Variants in CSMD1 observed in about 807,000 individuals in gnomAD.
CSMD1 encodes CUB and sushi domain-containing protein 1.
A neutral mutation model predicts 417.5 loss-of-function variants in CSMD1; 213 were observed. The observed-to-expected ratio is 0.51, with a 90% confidence interval of 0.46 to 0.57. CSMD1 has a LOEUF of 0.57. Among genes scored for constraint, CSMD1 ranks in the 20% least tolerant of loss-of-function variants. CSMD1 has a pLI of 0.00. For synonymous variants in CSMD1, 2,862 were observed against 1,736.8 expected (o/e 1.65, Z -16.11); for missense variants, 6,923 against 4,529.7 (o/e 1.53, Z -15.17).
At chr8:3,161,787 G>C (rs1819914825) in intron 38 of CSMD1, among the ~76,000 whole-genome samples, 3 of 152,268 alleles carry the variant, frequency 2.0e-5, no homozygotes, top group South Asian at 2.1e-4. Context: ...TGAATGATGA[G>C]AACAGTTTGC....
chr8:3,552,535 T>G (rs1209725419), intron 10 of CSMD1, among the ~76,000 whole-genome samples: 1 of 152,186 alleles, frequency 6.6e-6, no homozygotes. Context: ...TTTTTTTGAA[T>G]TGGATTAGCC....
intron 2 of CSMD1, among the ~76,000 whole-genome samples, chr8:4,520,211 AT>A (rs1418691232): frequency 3.3e-5 from 5 of 152,144 alleles, no homozygotes; most frequent in Non-Finnish European, 7.3e-5. Context: ...TGGCAGAAAG[AT>A]TCTTGTCCTA....
chr8:3,973,791 T>C (rs960170889), intron 5 of CSMD1, among the ~76,000 whole-genome samples: 13 of 152,222 alleles, frequency 8.5e-5, no homozygotes, highest in Admixed American at 3.3e-4. Context: ...ACAGTATCTA[T>C]TTCTCAGAAA....
chr8:4,470,869 CTG>C (rs1035199677), intron 2 of CSMD1, among the ~76,000 whole-genome samples: 9 of 152,126 alleles, frequency 5.9e-5, no homozygotes, highest in East Asian at 3.9e-4. Context: ...TTATGTAAAA[CTG>C]AATTATTTTT....
chr8:3,270,831 A>T (rs749957237), intron 26 of CSMD1, among the ~76,000 whole-genome samples: 2 of 152,182 alleles, frequency 1.3e-5, no homozygotes, highest in African/African-American at 4.8e-5. Flanking sequence ...AAGAGTTTTA[A>T]TTGACTCACA....
chr8:3,479,055 C>T (rs1376440788), intron 11 of CSMD1, among the ~76,000 whole-genome samples: 1 of 152,068 alleles, frequency 6.6e-6, no homozygotes, highest in African/African-American at 2.4e-5. Context: ...ATCCTTCTGC[C>T]CCCTCAGCCA....
intron 23 of CSMD1, among the ~76,000 whole-genome samples, chr8:3,338,206 G>C (rs909339972): frequency 6.6e-6 from 1 of 152,104 alleles, no homozygotes; most frequent in Non-Finnish European, 1.5e-5. Flanking sequence ...TGAACCACAC[G>C]TGTATGCCTG....
At chr8:4,169,639 G>A (rs1309249531) in intron 3 of CSMD1, among the ~76,000 whole-genome samples, 1 of 152,144 alleles carries the variant, frequency 6.6e-6, no homozygotes, top group Non-Finnish European at 1.5e-5. Flanking sequence ...CCTTGCTGCT[G>A]CAGGGACGCC....
intron 49 of CSMD1, among the ~76,000 whole-genome samples, chr8:3,065,311 A>ATAGC (rs1049697537): frequency 2.0e-5 from 3 of 150,162 alleles, no homozygotes; most frequent in African/African-American, 7.6e-5. Context: ...AGGTAGATAG[A>ATAGC]TAGATAGACA....
chr8:4,240,583 G>A (rs1276939876), intron 3 of CSMD1, among the ~76,000 whole-genome samples: 1 of 152,032 alleles, frequency 6.6e-6, no homozygotes, highest in African/African-American at 2.4e-5. Flanking sequence ...TTATCTTTTA[G>A]CTCAAAATGA....
chr8:3,571,124 C>T (rs928172628), intron 10 of CSMD1, among the ~76,000 whole-genome samples: 1 of 152,118 alleles, frequency 6.6e-6, no homozygotes, highest in African/African-American at 2.4e-5. Context: ...ATCATTCTCA[C>T]GACAGCTGAG....
intron 7 of CSMD1, among the ~76,000 whole-genome samples, chr8:3,638,660 T>C (rs1797160463): frequency 6.6e-6 from 1 of 152,098 alleles, no homozygotes; most frequent in Non-Finnish European, 1.5e-5. Context: ...AAGATGTACC[T>C]AGAAAGAACG....
intron 66 of CSMD1, 22 bp from the exon 67 acceptor site, chr8:2,950,365 A>G (rs765641761): frequency 6.8e-7 from 1 of 1,471,632 alleles, no homozygotes; most frequent in Non-Finnish European, 9.5e-7. Flanking sequence ...TCAGCAGTTT[A>G]GGCTTACCTT....
intron 26 of CSMD1, among the ~76,000 whole-genome samples, chr8:3,244,440 C>T (rs919257955): frequency 6.6e-6 from 1 of 152,070 alleles, no homozygotes; most frequent in Non-Finnish European, 1.5e-5. Context: ...TTTTAATGGC[C>T]AGGTGGAGCA....
At chr8:3,305,960 A>G (rs1435865669) in intron 25 of CSMD1, among the ~76,000 whole-genome samples, 3 of 152,086 alleles carry the variant, frequency 2.0e-5, no homozygotes, top group African/African-American at 7.2e-5. Flanking sequence ...GATTACAGGC[A>G]TGAGCCACTG....
chr8:4,496,460 G>A (rs1249376386), intron 2 of CSMD1, among the ~76,000 whole-genome samples: 3 of 152,164 alleles, frequency 2.0e-5, no homozygotes, highest in Non-Finnish European at 2.9e-5. Flanking sequence ...TGGAAGGCAA[G>A]CCAAGAGAAC....
intron 2 of CSMD1, among the ~76,000 whole-genome samples, chr8:4,632,882 C>CT (rs1167815282): frequency 6.6e-6 from 1 of 152,158 alleles, no homozygotes; most frequent in Non-Finnish European, 1.5e-5. Context: ...ACAACATTCT[C>CT]TTGTAAGGTC....
intron 7 of CSMD1, among the ~76,000 whole-genome samples, chr8:3,682,909 G>A (rs899408534): frequency 1.1e-4 from 17 of 152,090 alleles, no homozygotes; most frequent in African/African-American, 4.1e-4. Flanking sequence ...GGATGAAGCT[G>A]GAAACCATCA....
chr8:4,755,280 C>G (rs913417013), intron 1 of CSMD1, among the ~76,000 whole-genome samples: 10 of 152,310 alleles, frequency 6.6e-5, no homozygotes, highest in African/African-American at 2.4e-4. Context: ...TTGCCTTCAA[C>G]TTGGAAATAT....
Sources: gnomAD v4.1 joint callset for allele counts (sites outside exome capture counted in the v4.1 genomes callset) on GRCh38, gnomAD v4.1.1 for gene constraint, MANE v1.5 for transcripts, NCBI Gene and HGNC (gene_info 2026-07-23, HGNC 2026-07-21) for gene names.